The following NAA11 variants were observed in gnomAD, a reference collection of about 807,000 sequenced individuals.
The protein encoded by NAA11 is N-alpha-acetyltransferase 11.
Under a neutral mutation model 16.1 loss-of-function variants are expected in NAA11, and 15 were observed. That is an observed-to-expected ratio of 0.93 (90% CI 0.62 to 1.44). The LOEUF (loss-of-function observed/expected upper bound fraction) is 1.44, where lower values mean the gene tolerates loss of function less well. Among genes scored for constraint, NAA11 ranks in the 40% most tolerant of loss-of-function variants. The pLI is 0.00. For synonymous variants in NAA11, 122 were observed against 112.4 expected, an observed-to-expected ratio of 1.09 and a Z score of -0.54; for missense variants, 298 against 291.3, an observed-to-expected ratio of 1.02 and a Z score of -0.17.
intron 2 of NAA11, among the ~76,000 whole-genome samples, chr4:79,241,267 C>T (rs1442984238): frequency 6.6e-6 from 1 of 152,152 alleles, no homozygotes; most frequent in Non-Finnish European, 1.5e-5. Context: ...ATTTTATTTT[C>T]TCTAGCTTAC....
At chr4:79,241,980 G>C (rs867033835) in intron 2 of NAA11, among the ~76,000 whole-genome samples, 1 of 152,300 alleles carries the variant, frequency 6.6e-6, no homozygotes, top group South Asian at 2.1e-4. Context: ...ATTGTCAATA[G>C]AGGGCACTGG....
intron 2 of NAA11, among the ~76,000 whole-genome samples, chr4:79,278,251 T>C (rs1402766175): frequency 6.6e-6 from 1 of 152,138 alleles, no homozygotes; most frequent in African/African-American, 2.4e-5. Context: ...TCTTGTCCCC[T>C]CAAATTCATC....
At chr4:79,240,575 T>G (rs946234964) in intron 2 of NAA11, among the ~76,000 whole-genome samples, 3 of 152,156 alleles carry the variant, frequency 2.0e-5, no homozygotes, top group Non-Finnish European at 4.4e-5. Context: ...TGGATGCTGG[T>G]CACTAAAGGG....
At chr4:79,196,969 A>G in the NAA11 span, among the ~76,000 whole-genome samples, 6 of 146,590 alleles carry the variant, frequency 4.1e-5, no homozygotes, top group African/African-American at 1.1e-4. Flanking sequence ...AAAAAAAAAA[A>G]AAAAAAAAAA....
the NAA11 span, among the ~76,000 whole-genome samples, chr4:79,174,016 A>AGG: frequency 1.3e-5 from 2 of 152,016 alleles, no homozygotes; most frequent in African/African-American, 4.8e-5. Flanking sequence ...AGTCAGGGGG[A>AGG]GGGAGACTCC....
At chr4:79,296,232 A>G (rs1454842461) in intron 1 of NAA11, among the ~76,000 whole-genome samples, 2 of 152,222 alleles carry the variant, frequency 1.3e-5, no homozygotes, top group Non-Finnish European at 2.9e-5. Flanking sequence ...GAGGAATGTT[A>G]CTAATTATCC....
At chr4:79,274,812 A>G (rs1243031346) in intron 2 of NAA11, among the ~76,000 whole-genome samples, 2 of 152,118 alleles carry the variant, frequency 1.3e-5, no homozygotes, top group Non-Finnish European at 2.9e-5. Flanking sequence ...CGAGCAGCAC[A>G]TTCAAGATGG....
intron 2 of NAA11, among the ~76,000 whole-genome samples, chr4:79,258,328 G>A (rs114216664): frequency 0.011 from 1,645 of 152,376 alleles, 25 homozygotes; most frequent in African/African-American, 0.036. Flanking sequence ...CCCAAGCATC[G>A]TTGCACTTTG....
chr4:79,303,072 CCTTTTATATATATATATA>C lies in NAA11; in HGVS notation c.*13-8976_*13-8959del, dbSNP rs1351878479. Among the ~76,000 whole-genome samples the C allele has an allele frequency of 5.9e-4, 53 of 89,078 alleles. 1 individual carries two copies. Among genetic ancestry groups the C allele is most frequent in the African/African-American group, 2.1e-3 (46 of 22,014 alleles). The allele number at this position is 89,078 out of a possible 152,430, so 58.4% of individuals were successfully genotyped here. A position where few individuals can be genotyped will look rare whatever the true frequency, so the allele number is the denominator to read the frequency against. On this transcript the variant is annotated intron_variant and NMD_transcript_variant, in intron 1 of 2. Transcript: ENST00000511542. ...CCTTTTCATTCCTGTTCTCTTGAGG[CCTTTTATATATATATATA>C]TATATATATATATATATATATATAT...
rs1724270355 is a variant in NAA11, at chr4:79,326,003, T to C, written c.-126A>G. The C allele has an allele frequency of 7.8e-6, 6 of 773,686 alleles. No homozygotes were observed. Among genetic ancestry groups the C allele is most frequent in the Non-Finnish European group, 1.2e-5 (6 of 480,450 alleles). The allele number at this position is 773,686 out of a possible 1,614,324, so 47.9% of individuals were successfully genotyped here. Reference sequence around the variant, plus strand: ...GCTAACACCACCGGGCTGAATCGTGTGGAGGGCGGATGGCGGGAAGGCGGA... The same window carrying C: ...GCTAACACCACCGGGCTGAATCGTGCGGAGGGCGGATGGCGGGAAGGCGGA... On this transcript the variant is annotated 5_prime_UTR_variant, in exon 1 of 2. Transcript: ENST00000286794.
At chr4:79,252,847 T>G (rs1192095889) in intron 2 of NAA11, among the ~76,000 whole-genome samples, 2 of 152,182 alleles carry the variant, frequency 1.3e-5, no homozygotes, top group Non-Finnish European at 2.9e-5. Flanking sequence ...CTGATTCTCA[T>G]GCAACAAGGA....
At chr4:79,172,574 T>C in the NAA11 span, among the ~76,000 whole-genome samples, 4 of 152,122 alleles carry the variant, frequency 2.6e-5, no homozygotes, top group African/African-American at 9.7e-5. Flanking sequence ...CACTCAAAGT[T>C]TATTTTAAGA....
the NAA11 span, among the ~76,000 whole-genome samples, chr4:79,168,800 ATCT>A: frequency 6.6e-6 from 1 of 152,164 alleles, no homozygotes; most frequent in Admixed American, 6.5e-5. Flanking sequence ...GATTGCAAAA[ATCT>A]TCTCCCATTC....
At chr4:79,301,534 A>G (rs1201001846) in intron 1 of NAA11, among the ~76,000 whole-genome samples, 2 of 152,232 alleles carry the variant, frequency 1.3e-5, no homozygotes, top group Non-Finnish European at 2.9e-5. Context: ...GATTAACCAG[A>G]GGAAGTGATT....
chr4:79,309,719 T>TTC (rs1723706167), intron 1 of NAA11, among the ~76,000 whole-genome samples: 1 of 136,102 alleles, frequency 7.3e-6, no homozygotes. Flanking sequence ...TTTTTCTTTT[T>TTC]TTTTTTTTTT....
At chr4:79,257,403 T>A (rs12501238) in intron 2 of NAA11, among the ~76,000 whole-genome samples, 133,282 of 152,188 alleles carry the variant, frequency 0.88, 58,466 homozygotes, top group East Asian at 1. Context: ...AGTTTCAAAA[T>A]TTTAAAAATA....
At chr4:79,299,174 A>T (rs566868462) in intron 1 of NAA11, 18 of 152,274 alleles carry the variant, frequency 1.2e-4, no homozygotes, top group Middle Eastern at 3.4e-3. Context: ...AGAATCACTA[A>T]ACTTTAGAGC....
chr4:79,257,996 G>GT (rs1436053195), intron 2 of NAA11, among the ~76,000 whole-genome samples: 2 of 152,244 alleles, frequency 1.3e-5, no homozygotes, highest in Admixed American at 1.3e-4. Context: ...TATGATAACA[G>GT]TAGTGGCCCA....
chr4:79,270,546 G>A (rs990689740), intron 2 of NAA11, among the ~76,000 whole-genome samples: 1 of 141,740 alleles, frequency 7.1e-6, no homozygotes, highest in Non-Finnish European at 1.5e-5. Flanking sequence ...GCATCATTCT[G>A]ATACCAAAGC....
Sources: allele counts gnomAD v4.1 joint callset (sites outside exome capture counted in the v4.1 genomes callset), GRCh38; gene constraint gnomAD v4.1.1; transcripts MANE v1.5; gene names NCBI Gene and HGNC (gene_info 2026-07-23, HGNC 2026-07-21).